RANBP17: variants seen among roughly 807,000 people sequenced by gnomAD.
RANBP17 encodes RAN binding protein 17.
In RANBP17, 158 loss-of-function variants were observed where a neutral mutation model predicts 141.2. That is an observed-to-expected ratio of 1.12 (90% CI 0.98 to 1.28). The LOEUF (loss-of-function observed/expected upper bound fraction) is 1.28. RANBP17 is among the 50% of genes most tolerant of loss of function. The pLI, the probability that RANBP17 is intolerant of heterozygous loss-of-function variation, is 0.00. For missense variants in RANBP17, 1,438 were observed against 1,290.7 expected (o/e 1.11, Z -1.75); for synonymous variants, 430 against 450.0 (o/e 0.96, Z 0.56).
intron 14 of RANBP17, among the ~76,000 whole-genome samples, chr5:171,129,021 C>G (rs1330405711): frequency 6.6e-6 from 1 of 152,098 alleles, no homozygotes; most frequent in Admixed American, 6.6e-5. Context: ...AGATTAAGTT[C>G]CTACTTTAGT....
intron 6 of RANBP17, chr5:170,910,348 C>T (rs1179056195): frequency 6.6e-6 from 1 of 152,490 alleles, no homozygotes; most frequent in Non-Finnish European, 1.5e-5. Flanking sequence ...AAGTATGCTT[C>T]AATAAGCACT....
intron 24 of RANBP17, among the ~76,000 whole-genome samples, chr5:171,247,245 T>C (rs72829404): frequency 6.6e-6 from 1 of 152,042 alleles, no homozygotes; most frequent in Non-Finnish European, 1.5e-5. Context: ...TGGTAGAGAT[T>C]ATTTTCTTTG....
At chr5:171,213,807 C>CT in intron 21 of RANBP17, 69 bp downstream of exon 21, 1 of 1,223,192 alleles carries the variant, frequency 8.2e-7, no homozygotes, top group Non-Finnish European at 1.2e-6. Flanking sequence ...GTCAGACTTT[C>CT]TTTTTTGGTT....
At position 171,299,657 on chromosome 5, in the gene RANBP17, T is replaced by A. The variant is rs1026655594; in HGVS notation, c.*799T>A. ...GAAGGTAACTATTAGAATATAATAT[T>A]TGAAGCAGCTCTGCCTTCTTAGGGC... On this transcript the variant is annotated 3_prime_UTR_variant, in exon 28 of 28. Transcript: ENST00000523189. The A allele has an allele frequency of 8.7e-6, 2 of 229,222 alleles. No homozygotes were observed. Among genetic ancestry groups the A allele is most frequent in the African/African-American group, 4.4e-5 (2 of 45,122 alleles). The allele number at this position is 229,222 out of a possible 1,614,324, so 14.2% of individuals were successfully genotyped here. A position where few individuals can be genotyped will look rare whatever the true frequency, so the allele number is the denominator to read the frequency against.
At chr5:171,253,465 A>G (rs1461969623) in intron 24 of RANBP17, among the ~76,000 whole-genome samples, 1 of 152,172 alleles carries the variant, frequency 6.6e-6, no homozygotes, top group Non-Finnish European at 1.5e-5. Context: ...TGGGCCCAAC[A>G]CTTGCAGTTG....
At chr5:171,110,237 C>T (rs1348919042) in intron 14 of RANBP17, among the ~76,000 whole-genome samples, 1 of 151,858 alleles carries the variant, frequency 6.6e-6, no homozygotes, top group Non-Finnish European at 1.5e-5. Context: ...CTTCGGTTTC[C>T]TCATTTGTAG....
intron 12 of RANBP17, among the ~76,000 whole-genome samples, chr5:170,942,154 A>G (rs1284165584): frequency 6.6e-6 from 1 of 152,132 alleles, no homozygotes; most frequent in African/African-American, 2.4e-5. Flanking sequence ...TCTAATGTGT[A>G]TAATGCCTGA....
chr5:170,987,600 TA>T (rs1778232567), intron 14 of RANBP17, among the ~76,000 whole-genome samples: 1 of 151,728 alleles, frequency 6.6e-6, no homozygotes, highest in African/African-American at 2.4e-5. Flanking sequence ...TGGTAATATA[TA>T]TTAACTGTTT....
intron 14 of RANBP17, among the ~76,000 whole-genome samples, chr5:171,168,002 C>T (rs879648993): frequency 2.6e-5 from 4 of 152,060 alleles, no homozygotes; most frequent in African/African-American, 4.8e-5. Context: ...TAATATAGTC[C>T]TAGTAGATCC....
At chr5:171,228,576 AAAG>A (rs1331985503) in intron 22 of RANBP17, among the ~76,000 whole-genome samples, 2 of 152,208 alleles carry the variant, frequency 1.3e-5, no homozygotes, top group Non-Finnish European at 2.9e-5. Flanking sequence ...TCCAATTTTT[AAAG>A]AAGTTCTCCT....
At chr5:171,165,814 A>C (rs1397887580) in intron 14 of RANBP17, among the ~76,000 whole-genome samples, 1 of 152,184 alleles carries the variant, frequency 6.6e-6, no homozygotes, top group Non-Finnish European at 1.5e-5. Flanking sequence ...CAAGGTTTCA[A>C]ATTAAGACTC....
intron 11 of RANBP17, among the ~76,000 whole-genome samples, chr5:170,923,314 C>A (rs913265032): frequency 6.6e-6 from 1 of 152,150 alleles, no homozygotes; most frequent in Non-Finnish European, 1.5e-5. Context: ...TAATTTACTG[C>A]ATACATGTAG....
intron 14 of RANBP17, among the ~76,000 whole-genome samples, chr5:171,135,279 C>CA (rs200094154): frequency 0.042 from 2,319 of 55,388 alleles, 53 homozygotes; most frequent in African/African-American, 0.11. Flanking sequence ...GACTCCATCT[C>CA]AAAAAAAAAA....
intron 5 of RANBP17, among the ~76,000 whole-genome samples, chr5:170,906,058 A>G (rs892425171): frequency 3.0e-4 from 46 of 152,034 alleles, no homozygotes; most frequent in African/African-American, 1.1e-3. Flanking sequence ...ATAATTCTCC[A>G]CCACCAGGGA....
chr5:171,296,851 T>A (rs1037581283), intron 27 of RANBP17, among the ~76,000 whole-genome samples: 1 of 152,172 alleles, frequency 6.6e-6, no homozygotes, highest in Non-Finnish European at 1.5e-5. Flanking sequence ...AGGCAGAAAT[T>A]GCAGTGAGCT....
At chr5:171,296,299 T>G (rs1356311689) in intron 27 of RANBP17, among the ~76,000 whole-genome samples, 1 of 152,122 alleles carries the variant, frequency 6.6e-6, no homozygotes, top group African/African-American at 2.4e-5. Context: ...TAACTGTAAT[T>G]GAAAGATCAA....
intron 25 of RANBP17, among the ~76,000 whole-genome samples, chr5:171,287,027 G>GA (rs1378407300): frequency 3.3e-4 from 50 of 152,224 alleles, no homozygotes; most frequent in Admixed American, 3.3e-3. Context: ...ACAAGTGCCA[G>GA]AAAATTCCTG....
rs1024924123 is a variant in RANBP17 at position 171,230,963 on chromosome 5, A to T, written c.2422+9123A>T. ...TGTTTTGTTTTTTTGTTGAGACAAG[A>T]TCTCACTCTGTCACCCAGGCTGGAG... On this transcript the variant is annotated intron_variant, in intron 22 of 27. Coordinates refer to ENST00000523189, the MANE Select transcript of RANBP17 (RefSeq NM_022897.5). Among the ~76,000 whole-genome samples the T allele has an allele frequency of 2.6e-5, 4 of 151,834 alleles. No homozygotes were observed. The East Asian group carries it at 7.7e-4, about 29-fold the overall frequency.
At chr5:171,121,034 G>A (rs1459968997) in intron 14 of RANBP17, among the ~76,000 whole-genome samples, 1 of 152,206 alleles carries the variant, frequency 6.6e-6, no homozygotes, top group Non-Finnish European at 1.5e-5. Flanking sequence ...GTGTCTCAAT[G>A]GCCTAGAATG....
Sources: allele counts gnomAD v4.1 joint callset (sites outside exome capture counted in the v4.1 genomes callset), GRCh38; gene constraint gnomAD v4.1.1; transcripts MANE v1.5; gene names NCBI Gene and HGNC (gene_info 2026-07-23, HGNC 2026-07-21).